Variants in PLEKHG1 observed in about 807,000 individuals in gnomAD.
PLEKHG1 encodes the protein pleckstrin homology domain-containing family G member 1.
Under a neutral mutation model 100.8 loss-of-function variants are expected in PLEKHG1, and 44 were observed. The observed-to-expected ratio is 0.44, with a 90% confidence interval of 0.34 to 0.56. PLEKHG1 has a LOEUF of 0.56. Ranked by LOEUF, PLEKHG1 falls within the 20% of genes least tolerant of loss-of-function variation. The probability of loss-of-function intolerance (pLI) is 0.01; values close to 1 mark genes in which losing one functional copy is unlikely to be tolerated. For missense variants in PLEKHG1, 1,545 were observed against 1,720.9 expected (o/e 0.90, Z 1.81); for synonymous variants, 640 against 662.5 (o/e 0.97, Z 0.52).
exon 16 of PLEKHG1, chr6:150,840,389 G>C (rs776187547): frequency 1.9e-6 from 3 of 1,614,080 alleles, no homozygotes; most frequent in East Asian, 4.5e-5. Context: ...CAAGGTGTGA[G>C]AGTCACCAGG....
intron 2 of PLEKHG1, among the ~76,000 whole-genome samples, chr6:150,742,988 GAGAC>G (rs976427418): frequency 1.3e-5 from 2 of 152,152 alleles, no homozygotes; most frequent in African/African-American, 4.8e-5. Flanking sequence ...GAAGGTTTCT[GAGAC>G]AGACAGAACT....
At chr6:150,674,232 C>T (rs1031237843) in intron 3 of PLEKHG1, among the ~76,000 whole-genome samples, 3 of 151,992 alleles carry the variant, frequency 2.0e-5, no homozygotes, top group South Asian at 4.2e-4. Context: ...ACTGCCTTTA[C>T]CTATCAAGTT....
At chr6:150,813,018 C>T (rs990315123) in intron 10 of PLEKHG1, among the ~76,000 whole-genome samples, 5 of 151,994 alleles carry the variant, frequency 3.3e-5, no homozygotes, top group African/African-American at 1.2e-4. Flanking sequence ...CAGAAGAACA[C>T]TTGCTGGCCG....
intron 11 of PLEKHG1, among the ~76,000 whole-genome samples, chr6:150,818,623 A>T (rs1776122988): frequency 6.6e-6 from 1 of 152,240 alleles, no homozygotes; most frequent in South Asian, 2.1e-4. Context: ...GGTTTTCCTG[A>T]TGCAGCAGAA....
At chr6:150,734,243 C>A in intron 2 of PLEKHG1, 151 bp downstream of exon 3, 1 of 762,512 alleles carries the variant, frequency 1.3e-6, no homozygotes, top group Non-Finnish European at 2.1e-6. Flanking sequence ...AACCCTAAGG[C>A]CGTAACCCAC....
intron 3 of PLEKHG1, among the ~76,000 whole-genome samples, chr6:150,685,003 C>T (rs539431601): frequency 8.9e-4 from 135 of 152,270 alleles, no homozygotes; most frequent in African/African-American, 3.1e-3. Context: ...CAACTCCCTA[C>T]CACTCCTAAT....
intron 3 of PLEKHG1, among the ~76,000 whole-genome samples, chr6:150,784,501 C>T (rs1300528917): frequency 6.6e-6 from 1 of 152,142 alleles, no homozygotes; most frequent in Non-Finnish European, 1.5e-5. Context: ...TACTCTTACT[C>T]AGAAACTATT....
intron 1 of PLEKHG1, among the ~76,000 whole-genome samples, chr6:150,626,625 A>T (rs1272345700): frequency 6.6e-6 from 1 of 152,018 alleles, no homozygotes; most frequent in Non-Finnish European, 1.5e-5. Flanking sequence ...TTTTGTTTCT[A>T]AGGTTCATTC....
intron 1 of PLEKHG1, among the ~76,000 whole-genome samples, chr6:150,609,814 C>T (rs1191013118): frequency 2.0e-5 from 3 of 152,208 alleles, no homozygotes; most frequent in Admixed American, 2.0e-4. Context: ...TGGTTCAGAA[C>T]TGGCATGTCG....
chr6:150,702,328 G>T lies in PLEKHG1; in HGVS notation c.-98-31256G>T, dbSNP rs111801300. Among the ~76,000 whole-genome samples the T allele has an allele frequency of 3.3e-3, 500 of 152,218 alleles. 3 individuals carry two copies. The highest frequency in any genetic ancestry group is 0.011 in the African/African-American group (471 of 41,522). On this transcript the variant is annotated intron_variant, in intron 3 of 3. Transcript: ENST00000367326. ...CTACTAAAAATACAAAAATCAGCTG[G>T]GTGTGGTAGCACATGCCTGTAATCC...
At chr6:150,663,553 C>CTTTT (rs1779285434) in intron 3 of PLEKHG1, 1 of 140,314 alleles carries the variant, frequency 7.1e-6, no homozygotes, top group East Asian at 2.1e-4. Flanking sequence ...CTCTCTCTCT[C>CTTTT]TCTTTTTTTT....
intron 2 of PLEKHG1, among the ~76,000 whole-genome samples, chr6:150,643,977 G>C (rs1019310047): frequency 6.6e-6 from 1 of 152,098 alleles, no homozygotes; most frequent in Admixed American, 6.5e-5. Context: ...AATTTGCAAG[G>C]AAAGCTATAG....
intron 2 of PLEKHG1, among the ~76,000 whole-genome samples, chr6:150,766,490 G>T (rs1784459613): frequency 6.6e-6 from 1 of 152,234 alleles, no homozygotes; most frequent in Non-Finnish European, 1.5e-5. Context: ...TAAAGTATTA[G>T]ATTTAAAAGA....
At chr6:150,754,139 A>C (rs1262226978) in intron 2 of PLEKHG1, among the ~76,000 whole-genome samples, 1 of 152,136 alleles carries the variant, frequency 6.6e-6, no homozygotes, top group Non-Finnish European at 1.5e-5. Flanking sequence ...GGGTCAGAGG[A>C]GGATTCCTGG....
chr6:150,793,938 C>G (rs1488133164), intron 4 of PLEKHG1, among the ~76,000 whole-genome samples: 2 of 152,032 alleles, frequency 1.3e-5, no homozygotes, highest in Non-Finnish European at 2.9e-5. Context: ...AAAAATTAGC[C>G]AGGCATGGTG....
intron 1 of PLEKHG1, among the ~76,000 whole-genome samples, chr6:150,637,156 T>C (rs1294331279): frequency 6.6e-6 from 1 of 152,166 alleles, no homozygotes; most frequent in Non-Finnish European, 1.5e-5. Context: ...TATGAATATG[T>C]TTTTTGTTTT....
intron 3 of PLEKHG1, among the ~76,000 whole-genome samples, chr6:150,699,784 G>A (rs1010361635): frequency 6.6e-6 from 1 of 152,150 alleles, no homozygotes; most frequent in African/African-American, 2.4e-5. Flanking sequence ...CTTAATGAAG[G>A]CCATGGATCC....
rs147630877 is a variant in PLEKHG1 at position 150,824,777 on chromosome 6, G to A, written c.1470+1101G>A. Among the ~76,000 whole-genome samples, 833 of 152,208 alleles carry A rather than the reference G, an allele frequency of 5.5e-3. 14 individuals are homozygous for A. Among genetic ancestry groups the A allele is most frequent in the African/African-American group, 0.018 (761 of 41,516 alleles). ...ACTCCAGACCACAGGTGACCCACCCGTCTCAGCCTCCCAAAGTGCTGGGAT... is the reference window on the plus strand; with the variant it reads ...ACTCCAGACCACAGGTGACCCACCCATCTCAGCCTCCCAAAGTGCTGGGAT... On this transcript the variant is annotated intron_variant, in intron 14 of 15. Transcript: ENST00000358517.
At chr6:150,656,760 A>G (rs1467420829) in intron 3 of PLEKHG1, among the ~76,000 whole-genome samples, 1 of 152,234 alleles carries the variant, frequency 6.6e-6, no homozygotes, top group Non-Finnish European at 1.5e-5. Context: ...AGAAGTGGCC[A>G]GCACAAACAC....
Sources: allele counts gnomAD v4.1 joint callset (sites outside exome capture counted in the v4.1 genomes callset), GRCh38; gene constraint gnomAD v4.1.1; transcripts MANE v1.5; gene names NCBI Gene and HGNC (gene_info 2026-07-23, HGNC 2026-07-21).